ARHGEF2: variants seen among roughly 807,000 people sequenced by gnomAD.
ARHGEF2 encodes rho guanine nucleotide exchange factor 2.
In ARHGEF2, 22 loss-of-function variants were observed where a neutral mutation model predicts 121.0. That is an observed-to-expected ratio of 0.18 (90% CI 0.13 to 0.26). The LOEUF (loss-of-function observed/expected upper bound fraction) is 0.26. ARHGEF2 is among the 10% of genes least tolerant of loss of function. ARHGEF2 has a pLI of 1.00. For missense variants in ARHGEF2, 907 were observed against 1,336.0 expected (o/e 0.68, Z 5.01); for synonymous variants, 487 against 530.0 (o/e 0.92, Z 1.11).
intron 1 of ARHGEF2, chr1:155,969,649 C>G: frequency 1.8e-6 from 2 of 1,114,904 alleles, no homozygotes; most frequent in Non-Finnish European, 2.2e-6. Context: ...CTGCTGTACT[C>G]TCTTCTCTGT....
Position 155,962,830 on chromosome 1 carries a change from C to A in ARHGEF2, c.975+103G>T. ...AGGCTGGCTTCCTGTTTCTCCAGCTCTCCCTGGCTCCCCTCCAACCCCTAG... is the reference window on the plus strand; with the variant it reads ...AGGCTGGCTTCCTGTTTCTCCAGCTATCCCTGGCTCCCCTCCAACCCCTAG... On this transcript the variant is annotated intron_variant, in intron 8 of 21. Coordinates refer to ENST00000361247, the MANE Select transcript of ARHGEF2 (RefSeq NM_001162383.2). This position sits in a 1 kb window ranked among gnomAD's most constrained non-coding sequence, Gnocchi z 5.8. 1 of 1,595,392 alleles carries A rather than the reference C, an allele frequency of 6.3e-7. No homozygotes were observed. Among genetic ancestry groups the A allele is most frequent in the Non-Finnish European group, 8.6e-7 (1 of 1,169,148 alleles).
rs764587063 is a variant in ARHGEF2, at chr1:155,950,223, A to G, written c.2887+76T>C. On this transcript the variant is annotated intron_variant, in intron 21 of 21. Transcript: ENST00000361247. This position sits in a 1 kb window ranked among gnomAD's most constrained non-coding sequence, Gnocchi z 5.2. The stretch of plus-strand genomic sequence containing the variant: ...AAGCCTCACAGGTCAGTTAGGGCCC[A>G]TTTGGAAGCCACAGCCCAATGGCCT... 2 of 1,557,834 alleles carry G rather than the reference A, an allele frequency of 1.3e-6. No individual in the cohort carries two copies. Among genetic ancestry groups the G allele is most frequent in the Admixed American group, 3.5e-5 (2 of 57,182 alleles).
intron 14 of ARHGEF2, 105 bp from the exon 15 acceptor site, chr1:155,952,933 G>A: frequency 1.9e-6 from 2 of 1,052,758 alleles, no homozygotes; most frequent in Non-Finnish European, 2.8e-6. Flanking sequence ...CAGTGTGGCA[G>A]ACTTAATTTT....
At chr1:155,977,270 C>T (rs1354687756) in intron 1 of ARHGEF2, among the ~76,000 whole-genome samples, 2 of 152,240 alleles carry the variant, frequency 1.3e-5, no homozygotes, top group Admixed American at 6.5e-5. Flanking sequence ...TCTGCAGGCA[C>T]CACCTTCCTT....
At chr1:155,969,112 G>A (rs1170239073) in intron 2 of ARHGEF2, 44 bp downstream of exon 2, 8 of 1,609,840 alleles carry the variant, frequency 5.0e-6, no homozygotes, top group African/African-American at 1.3e-5. Context: ...ATCAGGGTCA[G>A]TGGGCACCGA....
intron 14 of ARHGEF2, among the ~76,000 whole-genome samples, chr1:155,953,955 AGCAAT>A (rs1676062032): frequency 1.3e-5 from 2 of 151,988 alleles, no homozygotes; most frequent in African/African-American, 2.4e-5. Context: ...TTATGTTGAC[AGCAAT>A]AATATTCTAC....
chr1:155,951,703 C>T lies in ARHGEF2; in HGVS notation c.2208+38G>A. On this transcript the variant is annotated intron_variant, in intron 18 of 21. Transcript: ENST00000361247. The surrounding 1 kb of genome is among the most constrained non-coding windows in gnomAD (Gnocchi z 5.1). ...TCTAACTACTCAGACTAAGAACATC[C>T]TCCCTTCAGTCTCCTATACCATCAA... is the stretch of plus-strand genomic sequence containing the variant. The T allele has an allele frequency of 6.2e-7, 1 of 1,613,816 alleles. No individual in the cohort carries two copies. Among genetic ancestry groups the T allele is most frequent in the South Asian group, 1.1e-5 (1 of 91,054 alleles).
chr1:155,966,722 G>T, intron 3 of ARHGEF2, 98 bp downstream of exon 3: 1 of 1,338,350 alleles, frequency 7.5e-7, no homozygotes, highest in Non-Finnish European at 1.1e-6. Context: ...GGAGGTGGGT[G>T]GTGAGAAACA....
intron 11 of ARHGEF2, among the ~76,000 whole-genome samples, chr1:155,960,042 C>T (rs1413561231): frequency 6.6e-6 from 1 of 152,162 alleles, no homozygotes; most frequent in African/African-American, 2.4e-5. Flanking sequence ...TCTCCTTCAA[C>T]CCCAGCAGGC....
intron 1 of ARHGEF2, among the ~76,000 whole-genome samples, chr1:155,971,215 C>T (rs772199056): frequency 4.6e-4 from 70 of 152,262 alleles, no homozygotes; most frequent in Non-Finnish European, 9.1e-4. Flanking sequence ...CCTACCTACC[C>T]GGACCACTAG....
chr1:155,974,807 G>A (rs1014008133), intron 1 of ARHGEF2, among the ~76,000 whole-genome samples: 13 of 151,874 alleles, frequency 8.6e-5, no homozygotes, highest in South Asian at 2.1e-4. Context: ...TGCCCCCTAC[G>A]CGGCCACACC....
chr1:155,961,964 G>A lies in ARHGEF2; in HGVS notation c.1220-55C>T. Reference sequence around the variant, plus strand: ...CTCAACCAGTTTCACTCACACCCCAGTTCCCATCGTGTCTTGATTCCACCT... The same window carrying A: ...CTCAACCAGTTTCACTCACACCCCAATTCCCATCGTGTCTTGATTCCACCT... On this transcript the variant is annotated intron_variant, in intron 10 of 21. Transcript: ENST00000361247. This position sits in a 1 kb window ranked among gnomAD's most constrained non-coding sequence, Gnocchi z 4.7. 6.2e-7 allele frequency: 1 copy of A among 1,608,278 alleles called. No individual in the cohort carries two copies. The highest frequency in any genetic ancestry group is 1.1e-5 in the South Asian group (1 of 90,844).
At position 155,965,306 on chromosome 1, in the gene ARHGEF2, C is replaced by T; in HGVS notation, c.577G>A (p.Glu193Lys). The T allele has an allele frequency of 1.2e-6, 2 of 1,614,034 alleles. No homozygotes were observed. Among genetic ancestry groups the T allele is most frequent in the Non-Finnish European group, 1.7e-6 (2 of 1,179,880 alleles). ...RTLSVESLID[E>K]AEVIYSELMS... The stretch of plus-strand genomic sequence containing the variant: ...CCCTGGGCCCAGGCCTGCTCACCTT[C>T]GTCAATGAGGGATTCCACGGATAGG... The change falls in exon 6 of 22, where the codon GAA (glutamate) becomes AAA (lysine). Residue 193 changes from glutamate to lysine, a missense_variant. Physicochemically the swap from Glu to Lys is moderately conservative, Grantham distance 56 (BLOSUM62 1). This residue lies in a region of ARHGEF2 where 475 missense variants were observed against 776.5 expected (regional missense o/e 0.61). Transcript: ENST00000361247. The surrounding 1 kb of genome is among the most constrained non-coding windows in gnomAD (Gnocchi z 6.0).
rs1358802866 is a variant in ARHGEF2 at position 155,951,538 on chromosome 1, G to A, written c.2209-5C>T. 1 of 1,614,144 alleles carries A rather than the reference G, an allele frequency of 6.2e-7. No individual in the cohort carries two copies. The highest frequency in any genetic ancestry group is 1.7e-5 in the Admixed American group (1 of 60,018). On this transcript the variant is annotated splice_polypyrimidine_tract_variant and splice_region_variant and intron_variant, in intron 18 of 21. Coordinates refer to ENST00000361247, the MANE Select transcript of ARHGEF2 (RefSeq NM_001162383.2). This position sits in a 1 kb window ranked among gnomAD's most constrained non-coding sequence, Gnocchi z 5.1. ...GACCAATCGCTGTAACGCCTCCTGA[G>A]GACAGACAGGGTGGGAACAGGGCCC...
rs749919405 is a variant in ARHGEF2 at position 155,950,240 on chromosome 1, C to T, written c.2887+59G>A. ...TAGGGCCCATTTGGAAGCCACAGCC[C>T]AATGGCCTGTACCCAGGCTGCACTC... On this transcript the variant is annotated intron_variant, in intron 21 of 21. Coordinates refer to ENST00000361247, the MANE Select transcript of ARHGEF2 (RefSeq NM_001162383.2). The surrounding 1 kb of genome is among the most constrained non-coding windows in gnomAD (Gnocchi z 5.2). The T allele has an allele frequency of 6.3e-7, 1 of 1,588,986 alleles. No homozygotes were observed. The highest frequency in any genetic ancestry group is 1.1e-5 in the South Asian group (1 of 89,566).
In ARHGEF2 at chr1:155,962,776, C is replaced by T; in HGVS notation, c.976-58G>A. 1 of 1,608,670 alleles carries T rather than the reference C, an allele frequency of 6.2e-7. No individual in the cohort carries two copies. The highest frequency in any genetic ancestry group is 8.5e-7 in the Non-Finnish European group (1 of 1,176,898). On this transcript the variant is annotated intron_variant, in intron 8 of 21. Coordinates refer to ENST00000361247, the MANE Select transcript of ARHGEF2 (RefSeq NM_001162383.2). The surrounding 1 kb of genome is among the most constrained non-coding windows in gnomAD (Gnocchi z 5.8). ...TTCCCCCAAAGCCACACTTTACCCA[C>T]TGGACACACCTCTGGCCTCCTGCCA...
At chr1:155,967,839 A>G (rs1039875985) in intron 2 of ARHGEF2, among the ~76,000 whole-genome samples, 4 of 151,974 alleles carry the variant, frequency 2.6e-5, no homozygotes, top group African/African-American at 7.3e-5. Flanking sequence ...CCCCCATCCA[A>G]CAACACCGGA....
chr1:155,950,400 T>G lies in ARHGEF2; in HGVS notation c.2786A>C (p.Glu929Ala). The change falls in exon 21 of 22, where the codon GAA (glutamate) becomes GCA (alanine). Residue 929 changes from glutamate to alanine, a missense_variant. Glu to Ala is a moderately radical substitution (Grantham distance 107). Around this residue, in one of 2 missense-constraint regions of ARHGEF2, gnomAD observed 432 missense variants for 559.5 expected, o/e 0.77. Transcript: ENST00000361247. This position sits in a 1 kb window ranked among gnomAD's most constrained non-coding sequence, Gnocchi z 5.2. ...CAGCCGCTCTTCGGGGCTCCCCAGT[T>G]CCTGCCTCTCTCGGTCCTCAAAGTT... ...HRNFEDRERQ[E>A]LGSPEERLQD... is the part of the protein sequence containing the mutation. The G allele has an allele frequency of 2.5e-6, 4 of 1,614,120 alleles. No homozygotes were observed. The highest frequency in any genetic ancestry group is 3.4e-6 in the Non-Finnish European group (4 of 1,180,038).
chr1:155,950,752 C>T lies in ARHGEF2; in HGVS notation c.2703+77G>A. The stretch of plus-strand genomic sequence containing the variant: ...CTGATTGCATTTGGGCTCAAATCCC[C>T]AATGGCCCAATTTCTTTCGGGCTCC... On this transcript the variant is annotated intron_variant, in intron 20 of 21. Coordinates refer to ENST00000361247, the MANE Select transcript of ARHGEF2 (RefSeq NM_001162383.2). The surrounding 1 kb of genome is among the most constrained non-coding windows in gnomAD (Gnocchi z 5.2). The T allele has an allele frequency of 7.1e-7, 1 of 1,411,346 alleles. No individual in the cohort carries two copies. The highest frequency in any genetic ancestry group is 9.6e-7 in the Non-Finnish European group (1 of 1,039,480). 87.4% of individuals were successfully genotyped at this position (1,411,346 alleles called of 1,614,324 possible). A position where few individuals can be genotyped will look rare whatever the true frequency, so the allele number is the denominator to read the frequency against.
Sources: gnomAD v4.1 joint callset for allele counts (sites outside exome capture counted in the v4.1 genomes callset) on GRCh38, gnomAD v4.1.1 for gene constraint, gnomAD v4.1.1 regional missense constraint, Gnocchi (gnomAD v3.1) non-coding constraint, MANE v1.5 for transcripts, NCBI Gene and HGNC (gene_info 2026-07-23, HGNC 2026-07-21) for gene names.